SH3PXD2B: variants seen among roughly 807,000 people sequenced by gnomAD.
SH3PXD2B encodes the protein SH3 and PX domains 2B.
Under a neutral mutation model 73.1 loss-of-function variants are expected in SH3PXD2B, and 37 were observed. That is an observed-to-expected ratio of 0.51 (90% CI 0.39 to 0.67). The LOEUF is 0.67. SH3PXD2B is among the 30% of genes least tolerant of loss of function. The pLI is 0.00. For synonymous variants in SH3PXD2B, 457 were observed against 480.5 expected, an observed-to-expected ratio of 0.95 and a Z score of 0.64; for missense variants, 1,053 against 1,197.8, an observed-to-expected ratio of 0.88 and a Z score of 1.78.
chr5:172,370,168 C>CCTTATAAATTTATAAT (rs1757668750), intron 6 of SH3PXD2B, among the ~76,000 whole-genome samples: 2 of 152,124 alleles, frequency 1.3e-5, no homozygotes, highest in African/African-American at 4.8e-5. Flanking sequence ...CTCCAGGCAT[C>CCTTATAAATTTATAAT]CTTATAAATT....
chr5:172,362,594 T>C, intron 7 of SH3PXD2B, 141 bp downstream of exon 7: 1 of 1,196,504 alleles, frequency 8.4e-7, no homozygotes, highest in Non-Finnish European at 1.2e-6. Context: ...AACAGGGGCC[T>C]CTTTCTAGGA....
At chr5:172,449,244 C>A (rs1759741665) in intron 1 of SH3PXD2B, among the ~76,000 whole-genome samples, 1 of 152,194 alleles carries the variant, frequency 6.6e-6, no homozygotes, top group Non-Finnish European at 1.5e-5. Context: ...ATGGTGAGAT[C>A]AGAGAAGGGC....
Position 172,339,630 on chromosome 5 carries a change from T to G in SH3PXD2B, c.1475A>C (p.Lys492Thr), listed in dbSNP as rs753812941. The G allele has an allele frequency of 1.1e-5, 17 of 1,614,234 alleles. No homozygotes were observed. In the South Asian group the frequency reaches 1.8e-4, roughly 17 times the overall value. The change falls in exon 13 of 13, where the codon AAG becomes ACG. Residue 492 changes from lysine to threonine, a missense_variant. By Grantham distance (78) the Lys-to-Thr change is moderately conservative (BLOSUM62 -1). Coordinates refer to ENST00000311601, the MANE Select transcript of SH3PXD2B (RefSeq NM_001017995.3). The surrounding 1 kb of genome is among the most constrained non-coding windows in gnomAD (Gnocchi z 6.1). Reference sequence around the variant, plus strand: ...TGAAGATGCCTTCCTCAGGACATCCTTACTGCCCTTCCAGTCTTTAGACCA... The same window carrying G: ...TGAAGATGCCTTCCTCAGGACATCCGTACTGCCCTTCCAGTCTTTAGACCA... ...LPWSKDWKGS[K>T]DVLRKASSDM...
At chr5:172,426,154 G>A (rs6866204) in intron 1 of SH3PXD2B, among the ~76,000 whole-genome samples, 55,093 of 152,100 alleles carry the variant, frequency 0.36, 10,451 homozygotes, top group East Asian at 0.67. Context: ...AACATACAGT[G>A]CAAGGACTCT....
chr5:172,405,274 T>A (rs1176354728), intron 3 of SH3PXD2B, among the ~76,000 whole-genome samples: 6 of 152,260 alleles, frequency 3.9e-5, no homozygotes, highest in Admixed American at 3.3e-4. Context: ...CCCCCAAGGA[T>A]GTGCCGCCCT....
chr5:172,358,644 C>T, intron 8 of SH3PXD2B, 129 bp downstream of exon 8: 1 of 870,928 alleles, frequency 1.1e-6, no homozygotes, highest in Non-Finnish European at 1.9e-6. Flanking sequence ...GGCCATGGAG[C>T]CTCAGCCAGT....
chr5:172,336,301 G>T lies in SH3PXD2B; in HGVS notation c.*2068C>A. The T allele has an allele frequency of 7.1e-6, 7 of 985,468 alleles. No homozygotes were observed. Among genetic ancestry groups the T allele is most frequent in the Non-Finnish European group, 8.4e-6 (7 of 829,938 alleles). 61.0% of individuals were successfully genotyped at this position (985,468 alleles called of 1,614,324 possible). ...CAAGAACTCAGGAAAACTGCCATGG[G>T]GCCTCCTCTCAAGGGAGGGGACCCT... On this transcript the variant is annotated 3_prime_UTR_variant, in exon 13 of 13. Coordinates refer to ENST00000311601, the MANE Select transcript of SH3PXD2B (RefSeq NM_001017995.3).
At chr5:172,396,198 CAAAA>C (rs571850981) in intron 3 of SH3PXD2B, among the ~76,000 whole-genome samples, 3,676 of 78,408 alleles carry the variant, frequency 0.047, 86 homozygotes, top group South Asian at 0.21. Flanking sequence ...ACTAAAAATA[CAAAA>C]AAAAAAAAAA....
chr5:172,428,895 C>T (rs1039068165), intron 1 of SH3PXD2B, among the ~76,000 whole-genome samples: 2 of 152,194 alleles, frequency 1.3e-5, no homozygotes, highest in African/African-American at 4.8e-5. Flanking sequence ...AGCTCAGATG[C>T]TACTGCCTCC....
intron 12 of SH3PXD2B, among the ~76,000 whole-genome samples, chr5:172,342,802 G>C (rs1354981269): frequency 6.6e-6 from 1 of 152,162 alleles, no homozygotes. Context: ...CTGTGTCCGG[G>C]GTAAGAAATT....
At chr5:172,380,313 G>A (rs2099324) in intron 5 of SH3PXD2B, among the ~76,000 whole-genome samples, 6,350 of 152,172 alleles carry the variant, frequency 0.042, 212 homozygotes, top group South Asian at 0.2. Context: ...CTTCCGCCTC[G>A]GCCTCCTAAA....
chr5:172,354,527 C>T lies in SH3PXD2B; in HGVS notation c.668-522G>A, dbSNP rs79896071. ...AATGTTTAGCAAATCAGTCAATATG[C>T]AGTAAATGAGCAAGACCTGAAGGCT... is the stretch of plus-strand genomic sequence containing the variant. On this transcript the variant is annotated intron_variant, in intron 8 of 12. Coordinates refer to ENST00000311601, the MANE Select transcript of SH3PXD2B (RefSeq NM_001017995.3). Among the ~76,000 whole-genome samples, 4 of 152,142 alleles carry T rather than the reference C, an allele frequency of 2.6e-5. No homozygotes were observed. The South Asian group carries it at 6.2e-4, about 24-fold the overall frequency.
Position 172,405,197 on chromosome 5 carries a change from C to T in SH3PXD2B, c.232+1080G>A, listed in dbSNP as rs190353991. ...AGAGACTAGGCATAATTGCATTAAACGCTGCACAGCAGCTGGTGTGCTGCC... is the reference window on the plus strand; with the variant it reads ...AGAGACTAGGCATAATTGCATTAAATGCTGCACAGCAGCTGGTGTGCTGCC... On this transcript the variant is annotated intron_variant, in intron 3 of 12. Coordinates refer to ENST00000311601, the MANE Select transcript of SH3PXD2B (RefSeq NM_001017995.3). 9.6e-4 allele frequency among the ~76,000 whole-genome samples: 146 copies of T among 152,350 alleles called. 1 individual carries two copies. Among genetic ancestry groups the T allele is most frequent in the Middle Eastern group, 3.4e-3 (1 of 294 alleles).
At chr5:172,331,120 G>A (rs13187990), downstream of SH3PXD2B, among the ~76,000 whole-genome samples, 55,912 of 152,112 alleles carry the variant, frequency 0.37, 11,670 homozygotes, top group South Asian at 0.66. Flanking sequence ...GCTTGAACCC[G>A]GGAGGCAGAG....
At chr5:172,412,107 T>C (rs1758714976) in intron 2 of SH3PXD2B, among the ~76,000 whole-genome samples, 1 of 152,244 alleles carries the variant, frequency 6.6e-6, no homozygotes, top group South Asian at 2.1e-4. Flanking sequence ...CATAAGGTCC[T>C]CAAGCTCCAT....
At chr5:172,418,488 C>T (rs1758877528) in intron 2 of SH3PXD2B, among the ~76,000 whole-genome samples, 1 of 152,212 alleles carries the variant, frequency 6.6e-6, no homozygotes, top group Non-Finnish European at 1.5e-5. Flanking sequence ...TCTCCCCACG[C>T]TGTTTGGGCC....
intron 3 of SH3PXD2B, 84 bp from the exon 4 acceptor site, chr5:172,394,723 T>A: frequency 6.8e-7 from 1 of 1,460,240 alleles, no homozygotes; most frequent in East Asian, 2.3e-5. Flanking sequence ...ACATGGCGGT[T>A]CCTAGGGTAG....
rs1265992280 is a variant in SH3PXD2B at position 172,347,307 on chromosome 5, G to C, written c.1038C>G (p.Pro346=). The change falls in exon 11 of 13, where the codon CCC becomes CCG. Residue 346 remains proline (P), a synonymous_variant. Transcript: ENST00000311601. ...CAATGGTCATGTCCCGGCGAGGAGG[G>C]GGTCTCTGCCTCATCTTTGGTGATC... The part of the protein sequence containing the change: ...KQRSPKMRQR[P]PPRRDMTIPR... 6.2e-7 allele frequency: 1 copy of C among 1,614,110 alleles called. No homozygotes were observed. The highest frequency in any genetic ancestry group is 8.5e-7 in the Non-Finnish European group (1 of 1,180,012).
chr5:172,394,385 AC>A (rs1758249280), intron 4 of SH3PXD2B, among the ~76,000 whole-genome samples, 177 bp downstream of exon 4: 2 of 151,022 alleles, frequency 1.3e-5, no homozygotes, highest in Admixed American at 1.3e-4. Context: ...AATATGTAAA[AC>A]CCTTAATAAC....
Sources: allele counts gnomAD v4.1 joint callset (sites outside exome capture counted in the v4.1 genomes callset), GRCh38; gene constraint gnomAD v4.1.1; non-coding constraint Gnocchi (gnomAD v3.1); transcripts MANE v1.5; gene names NCBI Gene and HGNC (gene_info 2026-07-23, HGNC 2026-07-21).